Variants in SEPTIN14 observed in about 807,000 individuals in gnomAD.
SEPTIN14 encodes the protein septin 14, also known as septin-14.
Under a neutral mutation model 53.6 loss-of-function variants are expected in SEPTIN14, and 40 were observed. The observed-to-expected ratio is 0.75, with a 90% CI of 0.58 to 0.97. The LOEUF (loss-of-function observed/expected upper bound fraction) is 0.97, where lower values mean the gene tolerates loss of function less well. Among genes scored for constraint, SEPTIN14 ranks in the 50% least tolerant of loss-of-function variants. The pLI, the probability that SEPTIN14 is intolerant of heterozygous loss-of-function variation, is 0.00. For synonymous variants in SEPTIN14, 138 were observed against 166.8 expected (o/e 0.83, Z 1.33); for missense variants, 471 against 508.2 (o/e 0.93, Z 0.70).
At position 55,844,558 on chromosome 7, in the gene SEPTIN14, T is replaced by C. The variant is rs1789368134; in HGVS notation, c.336A>G (p.Thr112=). The stretch of plus-strand genomic sequence containing the variant: ...TGTCTATTTGATCACCATACCCTAC[T>C]GTCTCCACAACAGTCAATTTCAACT... ...NVQLKLTVVE[T]VGYGDQIDKE... Residue 112 remains threonine (T), a synonymous_variant, in exon 4 of 10, where the codon ACA becomes ACG. Transcript: ENST00000388975. The C allele has an allele frequency of 2.5e-6, 4 of 1,593,188 alleles. No individual in the cohort carries two copies. The highest frequency in any genetic ancestry group is 3.4e-6 in the Non-Finnish European group (4 of 1,166,526).
At chr7:55,813,528 A>C (rs941466529) in intron 7 of SEPTIN14, among the ~76,000 whole-genome samples, 1 of 152,038 alleles carries the variant, frequency 6.6e-6, no homozygotes, top group East Asian at 1.9e-4. Context: ...AACTCCAGGC[A>C]GTGCAGCCCG....
In SEPTIN14 at chr7:55,796,089, G is replaced by A. The variant is rs1429225196; in HGVS notation, c.1123C>T (p.Gln375Ter). 6.0e-6 allele frequency: 9 copies of A among 1,508,922 alleles called. No homozygotes were observed. Among genetic ancestry groups the A allele is most frequent in the Admixed American group, 3.4e-5 (2 of 59,440 alleles). The allele number at this position is 1,508,922 out of a possible 1,614,324, so 93.5% of individuals were successfully genotyped here. ...ATFKEAEKEL[Q>*]DKFEHLKMIQ... ...ATTTTAAGATGCTCGAACTTGTCCT[G>A]CAGCTGTGAAACCAATGTGCAGTTG... The change falls in exon 10 of 10, where the codon CAG becomes TAG. Residue 375 changes from glutamine to a stop codon, truncating the protein, a stop_gained. Coordinates refer to ENST00000388975, the MANE Select transcript of SEPTIN14 (RefSeq NM_207366.3). LOFTEE classifies it high-confidence loss of function.
intron 3 of SEPTIN14, among the ~76,000 whole-genome samples, chr7:55,846,040 C>A: frequency 7.9e-5 from 2 of 25,160 alleles, no homozygotes; most frequent in Admixed American, 1.1e-3. Flanking sequence ...CAGAGCAAGA[C>A]TCCGTCTCAG....
At position 55,811,347 on chromosome 7, in the gene SEPTIN14, G is replaced by A. The variant is rs1788702209; in HGVS notation, c.818-4089C>T. 11 of 505,316 alleles carry A rather than the reference G, an allele frequency of 2.2e-5. No homozygotes were observed. In the Admixed American group the frequency reaches 2.3e-4, roughly 11 times the overall value. The allele number at this position is 505,316 out of a possible 1,614,324, so 31.3% of individuals were successfully genotyped here. On this transcript the variant is annotated intron_variant, in intron 7 of 9. Coordinates refer to ENST00000388975, the MANE Select transcript of SEPTIN14 (RefSeq NM_207366.3). The stretch of plus-strand genomic sequence containing the variant: ...GCAGTCGAAGTCTTTAAGAAAGGAG[G>A]CGAGCTTCCACCTCCCTAAGGAGTT...
At chr7:55,836,141 G>A (rs565649647) in intron 5 of SEPTIN14, among the ~76,000 whole-genome samples, 1 of 152,122 alleles carries the variant, frequency 6.6e-6, no homozygotes, top group South Asian at 2.1e-4. Context: ...TTTTTCTTTT[G>A]TAAAAAGACA....
intron 2 of SEPTIN14, among the ~76,000 whole-genome samples, chr7:55,850,146 G>C (rs996842781): frequency 2.6e-5 from 4 of 152,070 alleles, no homozygotes; most frequent in Admixed American, 2.6e-4. Context: ...TTTTTCCAAT[G>C]TATTTTATGA....
intron 4 of SEPTIN14, among the ~76,000 whole-genome samples, 159 bp from the exon 5 acceptor site, chr7:55,843,287 A>T (rs565536580): frequency 6.6e-6 from 1 of 152,206 alleles, no homozygotes; most frequent in Admixed American, 6.6e-5. Context: ...TTCTAAACCA[A>T]TAATAAGGCT....
chr7:55,854,520 C>T (rs997219445), intron 2 of SEPTIN14, among the ~76,000 whole-genome samples: 4 of 151,984 alleles, frequency 2.6e-5, no homozygotes, highest in African/African-American at 9.7e-5. Context: ...AGCTCCGCCT[C>T]CCGGGTTCAC....
chr7:55,798,458 A>G (rs11238379), intron 9 of SEPTIN14: 14,130 of 282,696 alleles, frequency 0.05, 1,246 homozygotes, highest in African/African-American at 0.23. Flanking sequence ...GAATGACCAC[A>G]ATGATGCTTT....
chr7:55,858,664 C>T (rs1020126912), intron 2 of SEPTIN14, among the ~76,000 whole-genome samples: 8 of 152,058 alleles, frequency 5.3e-5, no homozygotes, highest in East Asian at 1.9e-4. Flanking sequence ...ATTAGTCGGG[C>T]GTGGTGGCGC....
chr7:55,827,620 G>T (rs1257106959), intron 6 of SEPTIN14, among the ~76,000 whole-genome samples: 3 of 152,206 alleles, frequency 2.0e-5, no homozygotes, highest in African/African-American at 7.2e-5. Flanking sequence ...AGATGTTGGT[G>T]GGTAAGCTTT....
chr7:55,858,316 C>T (rs538308665), intron 2 of SEPTIN14, among the ~76,000 whole-genome samples: 3 of 152,326 alleles, frequency 2.0e-5, no homozygotes, highest in Non-Finnish European at 4.4e-5. Context: ...AAAAAGTATT[C>T]TCACGTACCT....
At chr7:55,815,786 T>C (rs1788781172) in intron 7 of SEPTIN14, among the ~76,000 whole-genome samples, 1 of 152,164 alleles carries the variant, frequency 6.6e-6, no homozygotes, top group Non-Finnish European at 1.5e-5. Context: ...GAAAACAGTA[T>C]GGAGTTTCCT....
intron 2 of SEPTIN14, among the ~76,000 whole-genome samples, chr7:55,861,150 G>A (rs1043396202): frequency 1.3e-5 from 2 of 152,154 alleles, no homozygotes; most frequent in African/African-American, 2.4e-5. Flanking sequence ...AAAATGGAAT[G>A]AGCATAGGCC....
rs761426907 is a variant in SEPTIN14 at position 55,843,099 on chromosome 7, G to A, written c.401C>T (p.Ala134Val). The change falls in exon 5 of 10, where the codon GCC (alanine) becomes GTC (valine). Residue 134 changes from alanine (A) to valine (V), a missense_variant. Ala to Val is a moderately conservative substitution (Grantham distance 64). Transcript: ENST00000388975. Reference sequence around the variant, plus strand: ...TTCTTGAAGATAGGCCTCAAATTGGGCATCTATGTAGTCAACTATTGGTTG... The same window carrying A: ...TTCTTGAAGATAGGCCTCAAATTGGACATCTATGTAGTCAACTATTGGTTG... ...SYQPIVDYID[A>V]QFEAYLQEEL... The A allele has an allele frequency of 5.0e-6, 8 of 1,599,224 alleles. No individual in the cohort carries two copies. Among genetic ancestry groups the A allele is most frequent in the Admixed American group, 1.8e-5 (1 of 55,684 alleles).
rs1200645932 is a variant in SEPTIN14 at position 55,857,517 on chromosome 7, GGGAAA to G, written c.54+4421_54+4425del. ...GGGAAGGGAAGGGAAGGGAAGGGAA[GGGAAA>G]GGAAAGGAAAGGAAAGGAAGAGAGG... On this transcript the variant is annotated intron_variant, in intron 2 of 9. Coordinates refer to ENST00000388975, the MANE Select transcript of SEPTIN14 (RefSeq NM_207366.3). Among the ~76,000 whole-genome samples the G allele has an allele frequency of 7.1e-4, 79 of 111,062 alleles. 1 individual carries two copies. The highest frequency in any genetic ancestry group is 1.5e-3 in the Admixed American group (17 of 11,364). 72.9% of individuals were successfully genotyped at this position (111,062 alleles called of 152,430 possible).
intron 7 of SEPTIN14, among the ~76,000 whole-genome samples, chr7:55,816,589 G>A (rs1291879544): frequency 6.6e-6 from 1 of 151,082 alleles, no homozygotes; most frequent in Non-Finnish European, 1.5e-5. Context: ...CTGAGGTCAG[G>A]AGTTTGAGAC....
chr7:55,830,321 G>GTATGTATATATATATATATATA (rs1789078673), intron 6 of SEPTIN14, among the ~76,000 whole-genome samples: 1 of 84,730 alleles, frequency 1.2e-5, no homozygotes, highest in African/African-American at 5.5e-5. Flanking sequence ...TTATCCAACT[G>GTATGTATATATATATATATATA]TATATATATA....
intron 5 of SEPTIN14, among the ~76,000 whole-genome samples, chr7:55,842,739 C>T (rs1383709257): frequency 2.6e-5 from 4 of 151,954 alleles, no homozygotes; most frequent in Non-Finnish European, 1.5e-5. Flanking sequence ...GGTGAAACCC[C>T]ATCTCTACTA....
Sources: allele counts gnomAD v4.1 joint callset (sites outside exome capture counted in the v4.1 genomes callset), GRCh38; gene constraint gnomAD v4.1.1; transcripts MANE v1.5; gene names NCBI Gene and HGNC (gene_info 2026-07-23, HGNC 2026-07-21).